RBFOX3: variants seen among roughly 807,000 people sequenced by gnomAD.
The protein encoded by RBFOX3 is RNA binding protein fox-1 homolog 3.
RBFOX3 carries 17 observed loss-of-function variants against 48.7 expected under a neutral mutation model. The observed-to-expected ratio is 0.35, with a 90% CI of 0.24 to 0.52. The LOEUF is 0.52. Ranked by LOEUF, RBFOX3 falls within the 20% of genes least tolerant of loss-of-function variation. The pLI is 0.94. For missense variants in RBFOX3, 382 were observed against 497.5 expected (o/e 0.77, Z 2.21); for synonymous variants, 212 against 209.5 (o/e 1.01, Z -0.10).
intron 3 of RBFOX3, among the ~76,000 whole-genome samples, chr17:79,276,948 G>A (rs1339835137): frequency 2.0e-5 from 3 of 152,164 alleles, no homozygotes; most frequent in African/African-American, 7.2e-5. Flanking sequence ...CCAGCTCCCT[G>A]TGGCTCTAGG....
At chr17:79,100,431 G>A (rs1356102984) in intron 9 of RBFOX3, 1 of 152,232 alleles carries the variant, frequency 6.6e-6, no homozygotes, top group Non-Finnish European at 1.5e-5. Flanking sequence ...AGCAGGATAT[G>A]AGGCCATGAG....
intron 2 of RBFOX3, among the ~76,000 whole-genome samples, chr17:79,449,139 C>CAA: frequency 6.6e-6 from 1 of 152,218 alleles, no homozygotes; most frequent in South Asian, 2.1e-4. Context: ...GGAGAGCAAA[C>CAA]AAAACCCCTG....
intron 4 of RBFOX3, among the ~76,000 whole-genome samples, chr17:79,188,107 G>A (rs867206483): frequency 6.6e-6 from 1 of 152,238 alleles, no homozygotes; most frequent in African/African-American, 2.4e-5. Flanking sequence ...GGGATGAGCC[G>A]TCGGTGCAGC....
chr17:79,540,363 C>T (rs563995145), intron 1 of RBFOX3, among the ~76,000 whole-genome samples: 4 of 152,342 alleles, frequency 2.6e-5, no homozygotes, highest in Admixed American at 1.3e-4. Flanking sequence ...GGAAGGGAGT[C>T]GGCAAATGCA....
At chr17:79,118,253 G>T (rs186983799) in intron 4 of RBFOX3, among the ~76,000 whole-genome samples, 61 of 152,250 alleles carry the variant, frequency 4.0e-4, no homozygotes, top group Admixed American at 1.7e-3. Context: ...CCCTCTCTCT[G>T]CAGACTCTGA....
At chr17:79,584,053 G>A (rs1224299185) in intron 1 of RBFOX3, among the ~76,000 whole-genome samples, 6 of 152,172 alleles carry the variant, frequency 3.9e-5, no homozygotes, top group African/African-American at 1.2e-4. Context: ...GGAGGCAGGG[G>A]CACGGATCAC....
intron 4 of RBFOX3, among the ~76,000 whole-genome samples, chr17:79,215,195 G>A (rs549605512): frequency 6.6e-4 from 101 of 152,256 alleles, no homozygotes; most frequent in African/African-American, 2.3e-3. Context: ...CAGGGCTCCC[G>A]GCTGAAGCTC....
chr17:79,584,369 T>G (rs990618198), intron 1 of RBFOX3, among the ~76,000 whole-genome samples: 8 of 152,124 alleles, frequency 5.3e-5, no homozygotes, highest in African/African-American at 1.9e-4. Context: ...TACCATTTGA[T>G]CCAACAATCC....
rs1326499842 is a variant in RBFOX3 at position 79,308,316 on chromosome 17, G to C, written c.-174-492C>G. Among the ~76,000 whole-genome samples the C allele has an allele frequency of 2.6e-5, 4 of 152,342 alleles. No homozygotes were observed. The East Asian group carries it at 7.7e-4, about 29-fold the overall frequency. Reference sequence around the variant, plus strand: ...GGCCGGCGTGGGTTGAGCAGCCCTCGTGGTTTGTACTTGCAGCCTAGCTAG... The same window carrying C: ...GGCCGGCGTGGGTTGAGCAGCCCTCCTGGTTTGTACTTGCAGCCTAGCTAG... On this transcript the variant is annotated intron_variant, in intron 2 of 14. Transcript: ENST00000693108.
intron 1 of RBFOX3, among the ~76,000 whole-genome samples, chr17:79,509,924 C>T (rs2083850831): frequency 6.6e-6 from 1 of 152,008 alleles, no homozygotes; most frequent in Admixed American, 6.6e-5. Flanking sequence ...ATCCTACTTA[C>T]TTGGGCATGA....
Position 79,405,005 on chromosome 17 carries a change from C to T in RBFOX3, c.-175+77449G>A, listed in dbSNP as rs958994837. ...GGCCTGCATCGGATCGTCCCACCCA[C>T]GGCAGGATGCTGGGACTCCCAGACT... On this transcript the variant is annotated intron_variant, in intron 2 of 14. Coordinates refer to ENST00000693108, the MANE Select transcript of RBFOX3 (RefSeq NM_001350451.2). Among the ~76,000 whole-genome samples, 5 of 152,194 alleles carry T rather than the reference C, an allele frequency of 3.3e-5. No homozygotes were observed. In the East Asian group the frequency reaches 5.8e-4, roughly 18 times the overall value.
chr17:79,196,998 C>T (rs2377309), intron 4 of RBFOX3, among the ~76,000 whole-genome samples: 32,828 of 152,084 alleles, frequency 0.22, 4,014 homozygotes, highest in South Asian at 0.34. Context: ...GGTGGACTGA[C>T]GCCTGCTAAC....
chr17:79,190,703 T>C, intron 4 of RBFOX3, among the ~76,000 whole-genome samples: 1 of 152,214 alleles, frequency 6.6e-6, no homozygotes, highest in East Asian at 1.9e-4. Context: ...CTTAATTTTA[T>C]TCAAAGGGTG....
chr17:79,096,620 T>TTCCCCCCC, intron 12 of RBFOX3, 33 bp downstream of exon 12: 1 of 1,502,344 alleles, frequency 6.7e-7, no homozygotes, highest in Non-Finnish European at 9.1e-7. Flanking sequence ...GAACGCCTGA[T>TTCCCCCCC]CCCACCCTCC....
At chr17:79,454,552 C>T (rs569620696) in intron 2 of RBFOX3, among the ~76,000 whole-genome samples, 3 of 152,310 alleles carry the variant, frequency 2.0e-5, no homozygotes, top group Non-Finnish European at 2.9e-5. Context: ...GGCCTGTCCA[C>T]AGCAAAGGGG....
intron 2 of RBFOX3, among the ~76,000 whole-genome samples, chr17:79,417,536 A>T (rs140569366): frequency 6.6e-6 from 1 of 152,378 alleles, no homozygotes; most frequent in East Asian, 1.9e-4. Context: ...CCCGACACCC[A>T]TAAGGATGGC....
At position 79,199,315 on chromosome 17, in the gene RBFOX3, C is replaced by T. The variant is rs781171309; in HGVS notation, c.-34+36451G>A. On this transcript the variant is annotated intron_variant, in intron 4 of 14. Coordinates refer to ENST00000693108, the MANE Select transcript of RBFOX3 (RefSeq NM_001350451.2). This position sits in a 1 kb window ranked among gnomAD's most constrained non-coding sequence, Gnocchi z 5.1. ...TTCACACCTGCACGGCACCTCCTGG[C>T]TCTCATTCATCCTGCCCTTCTTCTT... Among the ~76,000 whole-genome samples the T allele has an allele frequency of 2.6e-5, 4 of 152,214 alleles. No homozygotes were observed. The highest frequency in any genetic ancestry group is 5.9e-5 in the Non-Finnish European group (4 of 68,038).
chr17:79,171,285 C>T (rs148539020), intron 4 of RBFOX3, among the ~76,000 whole-genome samples: 22 of 152,352 alleles, frequency 1.4e-4, no homozygotes, highest in Middle Eastern at 3.4e-3. Flanking sequence ...TTTGCAGATG[C>T]GGCTGTTAGG....
intron 1 of RBFOX3, among the ~76,000 whole-genome samples, chr17:79,512,539 C>A (rs1043461922): frequency 1.4e-5 from 2 of 144,696 alleles, no homozygotes; most frequent in Non-Finnish European, 3.1e-5. Context: ...ATGTTACCAT[C>A]GGGTACAGCC....
Sources: gnomAD v4.1 joint callset for allele counts (sites outside exome capture counted in the v4.1 genomes callset) on GRCh38, gnomAD v4.1.1 for gene constraint, Gnocchi (gnomAD v3.1) non-coding constraint, MANE v1.5 for transcripts, NCBI Gene and HGNC (gene_info 2026-07-23, HGNC 2026-07-21) for gene names.